CPQ: variants seen among roughly 807,000 people sequenced by gnomAD.
The protein encoded by CPQ is carboxypeptidase Q.
In CPQ, 37 loss-of-function variants were observed where a neutral mutation model predicts 45.7. The ratio of observed to expected loss-of-function variants is 0.81; its 90% confidence interval spans 0.62 to 1.07. CPQ has a LOEUF of 1.07. CPQ is among the 50% of genes least tolerant of loss of function. The pLI, the probability that CPQ is intolerant of heterozygous loss-of-function variation, is 0.00. For synonymous variants in CPQ, 186 were observed against 205.8 expected (o/e 0.90, Z 0.82); for missense variants, 537 against 572.9 (o/e 0.94, Z 0.64).
intron 1 of CPQ, among the ~76,000 whole-genome samples, chr8:96,715,067 A>G (rs1315987687): frequency 6.6e-6 from 1 of 151,562 alleles, no homozygotes; most frequent in Non-Finnish European, 1.5e-5. Flanking sequence ...TGCACATTTT[A>G]ATTTATTTTT....
At chr8:96,923,702 G>A (rs1812838338) in intron 4 of CPQ, among the ~76,000 whole-genome samples, 1 of 152,104 alleles carries the variant, frequency 6.6e-6, no homozygotes, top group African/African-American at 2.4e-5. Flanking sequence ...CTCTGTTTCA[G>A]TTTGGTTATT....
At chr8:96,836,638 A>G (rs907624061) in intron 3 of CPQ, among the ~76,000 whole-genome samples, 3 of 152,192 alleles carry the variant, frequency 2.0e-5, no homozygotes, top group Non-Finnish European at 4.4e-5. Context: ...GCCATTCACC[A>G]TGATTTCACG....
At chr8:96,721,744 C>G (rs1809766965) in intron 1 of CPQ, among the ~76,000 whole-genome samples, 1 of 152,128 alleles carries the variant, frequency 6.6e-6, no homozygotes, top group Admixed American at 6.5e-5. Context: ...ACAGGTCCCC[C>G]TCTATGATCT....
chr8:96,686,305 A>ATT (rs1809226129), intron 1 of CPQ, among the ~76,000 whole-genome samples: 1 of 152,062 alleles, frequency 6.6e-6, no homozygotes, highest in South Asian at 2.1e-4. Flanking sequence ...AGTTTTCATT[A>ATT]AGCATGACAT....
chr8:96,960,719 A>T (rs1425562036), intron 4 of CPQ, among the ~76,000 whole-genome samples: 24 of 152,152 alleles, frequency 1.6e-4, no homozygotes, highest in Non-Finnish European at 8.8e-5. Context: ...CTTCATAGTT[A>T]TACCATCTTT....
chr8:96,892,371 G>A (rs1166182576), intron 4 of CPQ, among the ~76,000 whole-genome samples: 1 of 152,122 alleles, frequency 6.6e-6, no homozygotes, highest in African/African-American at 2.4e-5. Flanking sequence ...CCTTCTTAGT[G>A]GGAACAGCAG....
chr8:97,101,951 CCTCTCTCTCTCTCT>C (rs150834817), intron 7 of CPQ, among the ~76,000 whole-genome samples: 1 of 90,740 alleles, frequency 1.1e-5, no homozygotes, highest in Non-Finnish European at 2.3e-5. Context: ...TCCCTCCCTC[CCTCTCTCTCTCTCT>C]CTCTCTCTCT....
Position 97,143,287 on chromosome 8 carries a change from A to T in CPQ, c.*104A>T. Reference sequence around the variant, plus strand: ...AACAATTTCATCCAATTCATCTTCAAAGCACAACTCTATTTCATGCTTTCT... The same window carrying T: ...AACAATTTCATCCAATTCATCTTCATAGCACAACTCTATTTCATGCTTTCT... On this transcript the variant is annotated 3_prime_UTR_variant, in exon 8 of 8. Transcript: ENST00000220763. 9.7e-7 allele frequency: 1 copy of T among 1,033,126 alleles called. No homozygotes were observed. Among genetic ancestry groups the T allele is most frequent in the East Asian group, 2.4e-5 (1 of 41,402 alleles). 64.0% of individuals were successfully genotyped at this position (1,033,126 alleles called of 1,614,324 possible). A position where few individuals can be genotyped will look rare whatever the true frequency, so the allele number is the denominator to read the frequency against.
intron 6 of CPQ, among the ~76,000 whole-genome samples, chr8:97,065,700 T>C (rs1182331808): frequency 6.6e-6 from 1 of 152,144 alleles, no homozygotes; most frequent in Non-Finnish European, 1.5e-5. Flanking sequence ...CTTAAGAAAA[T>C]TAGTTGAAAG....
At chr8:96,762,148 T>C (rs560648617) in intron 1 of CPQ, among the ~76,000 whole-genome samples, 3 of 106,372 alleles carry the variant, frequency 2.8e-5, no homozygotes, top group Admixed American at 2.1e-4. Context: ...CCTAGGGAAA[T>C]AAAAGTTTCA....
intron 4 of CPQ, among the ~76,000 whole-genome samples, chr8:96,886,157 T>C (rs1313390141): frequency 2.6e-5 from 4 of 152,160 alleles, no homozygotes; most frequent in African/African-American, 9.7e-5. Context: ...AACTGTACTC[T>C]TCTGTGATTT....
intron 7 of CPQ, among the ~76,000 whole-genome samples, chr8:97,069,488 A>G (rs971473679): frequency 2.0e-5 from 3 of 151,048 alleles, no homozygotes. Context: ...AAAAAAAAAG[A>G]AAAGGATGAA....
At chr8:96,685,778 T>A (rs973063142) in intron 1 of CPQ, among the ~76,000 whole-genome samples, 3 of 152,168 alleles carry the variant, frequency 2.0e-5, no homozygotes, top group Admixed American at 2.0e-4. Flanking sequence ...TGTGTGTGAA[T>A]ATGTGTGAAC....
At chr8:96,765,518 A>G (rs537307997) in intron 1 of CPQ, among the ~76,000 whole-genome samples, 5 of 152,184 alleles carry the variant, frequency 3.3e-5, no homozygotes, top group South Asian at 2.1e-4. Flanking sequence ...AAAAAAACCT[A>G]TAGTCAGACA....
At chr8:96,919,286 A>G (rs1226531132) in intron 4 of CPQ, among the ~76,000 whole-genome samples, 4 of 152,132 alleles carry the variant, frequency 2.6e-5, no homozygotes, top group Admixed American at 6.6e-5. Context: ...TGAATCTTCC[A>G]AAGTAAGTTT....
chr8:96,950,796 T>G (rs1813252167), intron 4 of CPQ, among the ~76,000 whole-genome samples: 1 of 152,156 alleles, frequency 6.6e-6, no homozygotes, highest in African/African-American at 2.4e-5. Context: ...TTCCTTACAA[T>G]TGCTGTTACA....
At chr8:96,999,885 A>G (rs532589816) in intron 5 of CPQ, among the ~76,000 whole-genome samples, 1 of 151,912 alleles carries the variant, frequency 6.6e-6, no homozygotes, top group South Asian at 2.1e-4. Context: ...TTTCTCCACA[A>G]CCTTATCAGC....
In CPQ at chr8:97,029,475, A is replaced by T. The variant is rs1429686639; in HGVS notation, c.1034A>T (p.Gln345Leu). ...AEEQGGVGAFQYYQLHKVNIS... is the reference protein window; with the variant it reads ...AEEQGGVGAFLYYQLHKVNIS... ...GAACAAGGTGGAGTTGGTGCCTTCCAGTATTATCAGTTACACAAGGTAAAA... is the reference window on the plus strand; with the variant it reads ...GAACAAGGTGGAGTTGGTGCCTTCCTGTATTATCAGTTACACAAGGTAAAA... The change falls in exon 6 of 8, where the codon CAG becomes CTG. Residue 345 changes from glutamine to leucine, a missense_variant. Transcript: ENST00000220763. 1 of 1,605,544 alleles carries T rather than the reference A, an allele frequency of 6.2e-7. No individual in the cohort carries two copies. Among genetic ancestry groups the T allele is most frequent in the Non-Finnish European group, 8.5e-7 (1 of 1,175,412 alleles).
chr8:96,757,262 A>C (rs887891363), intron 1 of CPQ, among the ~76,000 whole-genome samples: 3 of 151,736 alleles, frequency 2.0e-5, no homozygotes, highest in Admixed American at 6.6e-5. Context: ...GAGGCACAAG[A>C]ATCACTTGAA....
Sources: gnomAD v4.1 joint callset for allele counts (sites outside exome capture counted in the v4.1 genomes callset) on GRCh38, gnomAD v4.1.1 for gene constraint, MANE v1.5 for transcripts, NCBI Gene and HGNC (gene_info 2026-07-23, HGNC 2026-07-21) for gene names.